BNC2: variants seen among roughly 807,000 people sequenced by gnomAD.
BNC2 encodes the protein zinc finger protein basonuclin-2.
A neutral mutation model predicts 76.3 loss-of-function variants in BNC2; 20 were observed. The ratio of observed to expected loss-of-function variants is 0.26; its 90% CI spans 0.18 to 0.38. BNC2 has a LOEUF of 0.38. Ranked by LOEUF, BNC2 falls within the 10% of genes least tolerant of loss-of-function variation. The pLI is 1.00. For missense variants in BNC2, 1,382 were observed against 1,399.8 expected (o/e 0.99, Z 0.20); for synonymous variants, 582 against 514.8 (o/e 1.13, Z -1.77).
chr9:16,796,503 C>T (rs547730811), intron 1 of BNC2, among the ~76,000 whole-genome samples: 46 of 149,902 alleles, frequency 3.1e-4, no homozygotes, highest in African/African-American at 1.0e-3. Context: ...ACCCAGGAGG[C>T]GGAGCTTGCA....
intron 3 of BNC2, among the ~76,000 whole-genome samples, chr9:16,602,801 G>A (rs1299822273): frequency 6.6e-6 from 1 of 152,128 alleles, no homozygotes; most frequent in African/African-American, 2.4e-5. Flanking sequence ...TAGACAGATG[G>A]GAACATTTTT....
At chr9:16,496,739 G>A (rs1357061298) in intron 5 of BNC2, among the ~76,000 whole-genome samples, 1 of 152,096 alleles carries the variant, frequency 6.6e-6, no homozygotes, top group Admixed American at 6.5e-5. Flanking sequence ...AGATGGGGAG[G>A]GGATGATCTC....
At chr9:16,739,695 G>T (rs1824785705) in intron 1 of BNC2, among the ~76,000 whole-genome samples, 1 of 151,916 alleles carries the variant, frequency 6.6e-6, no homozygotes, top group African/African-American at 2.4e-5. Flanking sequence ...AATAATCTGG[G>T]TAAATTACTG....
intron 3 of BNC2, among the ~76,000 whole-genome samples, chr9:16,661,718 C>T (rs1187565910): frequency 2.6e-5 from 4 of 152,116 alleles, no homozygotes; most frequent in African/African-American, 7.2e-5. Flanking sequence ...GTTGTGAGAA[C>T]ATTCCTGAAC....
At chr9:16,675,491 C>A (rs1822612037) in intron 3 of BNC2, among the ~76,000 whole-genome samples, 1 of 152,122 alleles carries the variant, frequency 6.6e-6, no homozygotes, top group African/African-American at 2.4e-5. Context: ...AACTCCTGGG[C>A]TCAAGTGATA....
At chr9:16,847,401 C>CGGGG (rs869051853) in intron 1 of BNC2, among the ~76,000 whole-genome samples, 48 of 10,296 alleles carry the variant, frequency 4.7e-3, no homozygotes, top group African/African-American at 7.6e-3. Flanking sequence ...TTTCTCGGGG[C>CGGGG]GGGGGGGGGG....
intron 4 of BNC2, among the ~76,000 whole-genome samples, chr9:16,579,484 T>C (rs1819570887): frequency 6.6e-6 from 1 of 152,110 alleles, no homozygotes; most frequent in South Asian, 2.1e-4. Context: ...GATTTTGCCA[T>C]GTTGCCCAGG....
chr9:16,716,469 G>T (rs933019158), intron 3 of BNC2, among the ~76,000 whole-genome samples: 1 of 151,730 alleles, frequency 6.6e-6, no homozygotes, highest in Non-Finnish European at 1.5e-5. Flanking sequence ...TTTTTTACAT[G>T]AAAGCAATTG....
At chr9:16,429,281 A>C (rs961949096) in intron 6 of BNC2, 1 of 152,226 alleles carries the variant, frequency 6.6e-6, no homozygotes, top group South Asian at 2.1e-4. Flanking sequence ...CCTTTCATCT[A>C]AGACAAAACG....
chr9:16,495,905 C>G (rs953104568), intron 5 of BNC2, among the ~76,000 whole-genome samples: 11 of 146,944 alleles, frequency 7.5e-5, no homozygotes, highest in African/African-American at 2.7e-4. Flanking sequence ...TTTTCTTTTT[C>G]TTTTTCTTTT....
chr9:16,466,116 C>A (rs1821701756), intron 5 of BNC2, among the ~76,000 whole-genome samples: 1 of 52,202 alleles, frequency 1.9e-5, no homozygotes, highest in African/African-American at 8.0e-5. Context: ...AGGAATCCAA[C>A]TTACAAGGGA....
At chr9:16,733,628 C>T (rs1020314166) in intron 2 of BNC2, among the ~76,000 whole-genome samples, 2 of 151,896 alleles carry the variant, frequency 1.3e-5, no homozygotes, top group Non-Finnish European at 2.9e-5. Context: ...TGGCATGGAG[C>T]GGGGAGAAAG....
At chr9:16,584,234 T>C (rs999573161) in intron 3 of BNC2, among the ~76,000 whole-genome samples, 3 of 152,200 alleles carry the variant, frequency 2.0e-5, no homozygotes, top group Non-Finnish European at 4.4e-5. Context: ...TGCAGCTCTG[T>C]GCCTGAAAGC....
chr9:16,536,869 C>T (rs767496192), intron 5 of BNC2, among the ~76,000 whole-genome samples: 1 of 152,014 alleles, frequency 6.6e-6, no homozygotes, highest in South Asian at 2.1e-4. Context: ...GTTTTTATTA[C>T]CTGTTTGTTT....
chr9:16,854,851 C>A (rs1377559009), intron 1 of BNC2, among the ~76,000 whole-genome samples: 3 of 151,950 alleles, frequency 2.0e-5, no homozygotes, highest in African/African-American at 7.2e-5. Context: ...TGTCAATACT[C>A]TTACAAGCAC....
rs1415831202 is a variant in BNC2, at chr9:16,411,082, A to T, written c.*7907T>A. On this transcript the variant is annotated 3_prime_UTR_variant, in exon 7 of 7. Transcript: ENST00000380672. Reference sequence around the variant, plus strand: ...TGCCAGGTCAGTTCACCTTGCAGGGACTGGCGCTTTCTCCCTCTCTTTTGA... The same window carrying T: ...TGCCAGGTCAGTTCACCTTGCAGGGTCTGGCGCTTTCTCCCTCTCTTTTGA... The T allele has an allele frequency of 6.6e-6, 1 of 152,200 alleles. No homozygotes were observed. The highest frequency in any genetic ancestry group is 2.1e-4 in the South Asian group (1 of 4,816). The allele number at this position is 152,200 out of a possible 1,614,324, so 9.4% of individuals were successfully genotyped here. A position where few individuals can be genotyped will look rare whatever the true frequency, so the allele number is the denominator to read the frequency against.
intron 1 of BNC2, among the ~76,000 whole-genome samples, chr9:16,859,194 A>C (rs936115095): frequency 6.9e-6 from 1 of 145,480 alleles, no homozygotes; most frequent in Non-Finnish European, 1.5e-5. Context: ...AAAAAAAAAA[A>C]CAGGAAATAA....
intron 3 of BNC2, among the ~76,000 whole-genome samples, chr9:16,605,721 T>C (rs1026726433): frequency 6.6e-6 from 1 of 151,684 alleles, no homozygotes; most frequent in East Asian, 1.9e-4. Flanking sequence ...CAAGCATTCT[T>C]AGAGTTCAGA....
At chr9:16,836,387 A>C (rs566340256) in intron 1 of BNC2, among the ~76,000 whole-genome samples, 1 of 152,186 alleles carries the variant, frequency 6.6e-6, no homozygotes, top group Non-Finnish European at 1.5e-5. Flanking sequence ...CATCAGAAAC[A>C]TATTCTTAGA....
Sources: gnomAD v4.1 joint callset for allele counts (sites outside exome capture counted in the v4.1 genomes callset) on GRCh38, gnomAD v4.1.1 for gene constraint, MANE v1.5 for transcripts, NCBI Gene and HGNC (gene_info 2026-07-23, HGNC 2026-07-21) for gene names.